Variants in MYLK3 observed in about 807,000 individuals in gnomAD.
MYLK3 encodes the protein MLC kinase.
MYLK3 carries 55 observed loss-of-function variants against 76.3 expected under a neutral mutation model. The observed-to-expected ratio is 0.72, with a 90% CI of 0.58 to 0.90. MYLK3 has a LOEUF of 0.90. Ranked by LOEUF, MYLK3 falls within the 40% of genes least tolerant of loss-of-function variation. MYLK3 has a pLI of 0.00. For missense variants in MYLK3, 973 were observed against 1,053.6 expected (o/e 0.92, Z 1.06); for synonymous variants, 416 against 425.4 (o/e 0.98, Z 0.27).
chr16:46,733,456 C>G (rs1305457457), intron 3 of MYLK3, among the ~76,000 whole-genome samples: 1 of 152,228 alleles, frequency 6.6e-6, no homozygotes, highest in Non-Finnish European at 1.5e-5. Flanking sequence ...GGCCCACGTG[C>G]CCACATGGTT....
chr16:46,738,319 T>A (rs949269319), intron 2 of MYLK3, among the ~76,000 whole-genome samples, 176 bp from the exon 3 acceptor site: 5 of 151,848 alleles, frequency 3.3e-5, no homozygotes, highest in African/African-American at 1.2e-4. Flanking sequence ...CAACAAGGAG[T>A]GCGGCACAGC....
rs182986828 is a variant in MYLK3, at chr16:46,731,789, C to T, written c.1462+419G>A. Among the ~76,000 whole-genome samples the T allele has an allele frequency of 2.6e-3, 390 of 152,200 alleles. 2 individuals are homozygous for T. Among genetic ancestry groups the T allele is most frequent in the African/African-American group, 8.8e-3 (367 of 41,524 alleles). On this transcript the variant is annotated intron_variant, in intron 4 of 12. Transcript: ENST00000394809. ...GTGGCAAGCTCAGGTGGGCAGGTGGCGGTAAGAAATCTCCCCAGTGGCCAG... is the reference window on the plus strand; with the variant it reads ...GTGGCAAGCTCAGGTGGGCAGGTGGTGGTAAGAAATCTCCCCAGTGGCCAG...
In MYLK3 at chr16:46,702,708, T is replaced by G. The variant is rs1966587085; in HGVS notation, c.*4996A>C. 6.6e-6 allele frequency among the ~76,000 whole-genome samples: 1 copy of G among 151,858 alleles called. No homozygotes were observed. Among genetic ancestry groups the G allele is most frequent in the South Asian group, 2.1e-4 (1 of 4,808 alleles). Reference sequence around the variant, plus strand: ...AGGCCGAGGTGGGCAGATCACGAGGTCAAGAGATCGAGACCATCCTGGCCA... The same window carrying G: ...AGGCCGAGGTGGGCAGATCACGAGGGCAAGAGATCGAGACCATCCTGGCCA... On this transcript the variant is annotated 3_prime_UTR_variant, in exon 13 of 13. Transcript: ENST00000394809.
chr16:46,725,675 C>T (rs1397507587), intron 8 of MYLK3: 3 of 152,092 alleles, frequency 2.0e-5, no homozygotes, highest in Admixed American at 6.5e-5. Context: ...TTTGCTAATA[C>T]TTTATTGAGA....
Position 46,725,176 on chromosome 16 carries a change from T to A in MYLK3, c.1914+2060A>T, listed in dbSNP as rs118132459. Among the ~76,000 whole-genome samples the A allele has an allele frequency of 6.1e-4, 93 of 152,354 alleles. No individual in the cohort carries two copies. The East Asian group carries it at 0.017, about 27-fold the overall frequency. Reference sequence around the variant, plus strand: ...ACTGCAACCTTGATGAATTTATTAATCCTAATAGTCTCCTCTCTTTAAGAG... The same window carrying A: ...ACTGCAACCTTGATGAATTTATTAAACCTAATAGTCTCCTCTCTTTAAGAG... On this transcript the variant is annotated intron_variant, in intron 8 of 12. Coordinates refer to ENST00000394809, the MANE Select transcript of MYLK3 (RefSeq NM_182493.3).
chr16:46,716,463 G>GTA (rs907547283), intron 9 of MYLK3, among the ~76,000 whole-genome samples: 25 of 149,702 alleles, frequency 1.7e-4, no homozygotes, highest in Admixed American at 2.7e-4. Context: ...ATATATGTGT[G>GTA]TATATATATA....
At chr16:46,734,478 G>A (rs558810422) in intron 3 of MYLK3, among the ~76,000 whole-genome samples, 1 of 152,312 alleles carries the variant, frequency 6.6e-6, no homozygotes, top group Admixed American at 6.5e-5. Context: ...GCTGAGTGTG[G>A]TGGCACGTGC....
intron 1 of MYLK3, among the ~76,000 whole-genome samples, chr16:46,756,117 C>G (rs1967197808): frequency 1.3e-5 from 2 of 151,954 alleles, no homozygotes; most frequent in Admixed American, 1.3e-4. Context: ...ACCGTGTTGC[C>G]CAGGCTGGTC....
At chr16:46,757,612 G>A in intron 1 of MYLK3, 1 of 985,286 alleles carries the variant, frequency 1.0e-6, no homozygotes, top group Non-Finnish European at 1.2e-6. Flanking sequence ...GGCTGGCCAG[G>A]ATGATTTCTC....
intron 1 of MYLK3, among the ~76,000 whole-genome samples, chr16:46,754,908 T>C (rs1302701851): frequency 6.6e-6 from 1 of 152,060 alleles, no homozygotes; most frequent in Admixed American, 6.5e-5. Context: ...GTGCTTTTTT[T>C]TTTTTTGAGA....
rs748682506 is a variant in MYLK3, at chr16:46,727,260, G to C, written c.1890C>G (p.His630Gln). 1.9e-6 allele frequency: 3 copies of C among 1,614,060 alleles called. No individual in the cohort carries two copies. In the South Asian group the frequency reaches 3.3e-5, roughly 18 times the overall value. Reference sequence around the variant, plus strand: ...CCTTGAGGTCCAGGTGCAGGATGTAGTGCTGGTGCAGGTAATGCACACCCT... The same window carrying C: ...CCTTGAGGTCCAGGTGCAGGATGTACTGCTGGTGCAGGTAATGCACACCCT... ...ICEGVHYLHQ[H>Q]YILHLDLKPE... is the part of the protein sequence containing the mutation. The change falls in exon 8 of 13, where the codon CAC becomes CAG. Residue 630 changes from histidine to glutamine, a missense_variant. Around this residue, in one of 2 missense-constraint regions of MYLK3, gnomAD observed 332 missense variants for 416.6 expected, o/e 0.80. Transcript: ENST00000394809.
intron 7 of MYLK3, among the ~76,000 whole-genome samples, chr16:46,727,883 C>T (rs1468955977): frequency 2.0e-5 from 3 of 152,084 alleles, no homozygotes; most frequent in Non-Finnish European, 2.9e-5. Context: ...AAAGATTAGG[C>T]GTGGTAAAAA....
intron 1 of MYLK3, among the ~76,000 whole-genome samples, chr16:46,757,169 A>G (rs915566511): frequency 6.6e-6 from 1 of 150,736 alleles, no homozygotes; most frequent in African/African-American, 2.4e-5. Context: ...AGCCACGCAG[A>G]GTTTAATGCG....
At chr16:46,738,368 G>C (rs1356110967) in intron 2 of MYLK3, among the ~76,000 whole-genome samples, 1 of 152,218 alleles carries the variant, frequency 6.6e-6, no homozygotes, top group Admixed American at 6.5e-5. Flanking sequence ...TGGAAGCCTG[G>C]GCAACACAAT....
In MYLK3 at chr16:46,734,991, A is replaced by G. The variant is rs1184319275; in HGVS notation, c.1002-2323T>C. On this transcript the variant is annotated intron_variant, in intron 3 of 12. Coordinates refer to ENST00000394809, the MANE Select transcript of MYLK3 (RefSeq NM_182493.3). ...ACCTGTCTCTACAAAAACATAAAAAATTAACCAGGCATGGTGGCACATGCT... is the reference window on the plus strand; with the variant it reads ...ACCTGTCTCTACAAAAACATAAAAAGTTAACCAGGCATGGTGGCACATGCT... Among the ~76,000 whole-genome samples the G allele has an allele frequency of 2.0e-5, 3 of 151,984 alleles. No individual in the cohort carries two copies. In the East Asian group the frequency reaches 5.8e-4, roughly 30 times the overall value.
intron 3 of MYLK3, among the ~76,000 whole-genome samples, chr16:46,734,632 CA>C (rs1966860210): frequency 6.6e-6 from 1 of 151,838 alleles, no homozygotes. Flanking sequence ...CACACACACA[CA>C]AAAAGACAAA....
intron 3 of MYLK3, among the ~76,000 whole-genome samples, chr16:46,732,878 T>C (rs540458399): frequency 1.3e-4 from 20 of 152,166 alleles, no homozygotes; most frequent in Non-Finnish European, 2.4e-4. Flanking sequence ...AGCTTGAGAA[T>C]GGACAGGGGT....
At chr16:46,749,142 G>A (rs1013276396), upstream of MYLK3, among the ~76,000 whole-genome samples, 5 of 152,232 alleles carry the variant, frequency 3.3e-5, no homozygotes, top group Non-Finnish European at 7.4e-5. Flanking sequence ...CAAATAAAAC[G>A]TTTTACAGAA....
intron 12 of MYLK3, among the ~76,000 whole-genome samples, chr16:46,708,756 C>A (rs760111386): frequency 4.6e-5 from 7 of 152,176 alleles, no homozygotes; most frequent in Non-Finnish European, 8.8e-5. Context: ...TTGTTGGAAG[C>A]CACTTCCCTG....
Sources: gnomAD v4.1 joint callset for allele counts (sites outside exome capture counted in the v4.1 genomes callset) on GRCh38, gnomAD v4.1.1 for gene constraint, gnomAD v4.1.1 regional missense constraint, MANE v1.5 for transcripts, NCBI Gene and HGNC (gene_info 2026-07-23, HGNC 2026-07-21) for gene names.